Variants in CNTN5 observed in about 807,000 individuals in gnomAD.
The protein encoded by CNTN5 is contactin-5.
In CNTN5, 77 loss-of-function variants were observed where a neutral mutation model predicts 129.1. The observed-to-expected ratio is 0.60, with a 90% CI of 0.50 to 0.72. The LOEUF is 0.72. CNTN5 is among the 30% of genes least tolerant of loss of function. The pLI is 0.00. For missense variants in CNTN5, 1,478 were observed against 1,328.8 expected, an observed-to-expected ratio of 1.11 and a Z score of -1.75; for synonymous variants, 509 against 465.6, an observed-to-expected ratio of 1.09 and a Z score of -1.20.
chr11:99,904,506 G>T (rs998711229), intron 6 of CNTN5, among the ~76,000 whole-genome samples: 3 of 152,084 alleles, frequency 2.0e-5, no homozygotes, highest in African/African-American at 7.2e-5. Flanking sequence ...ATTCCATGGG[G>T]TATATGTGCC....
At chr11:99,203,583 T>A (rs1859324859) in intron 1 of CNTN5, among the ~76,000 whole-genome samples, 1 of 152,074 alleles carries the variant, frequency 6.6e-6, no homozygotes. Context: ...AACATTTCTT[T>A]TTTTTTTGGG....
At chr11:99,889,529 CTTTTTTTTT>C (rs59095048) in intron 6 of CNTN5, among the ~76,000 whole-genome samples, 8 of 128,300 alleles carry the variant, frequency 6.2e-5, no homozygotes, top group Non-Finnish European at 8.4e-5. Flanking sequence ...ACTAGACATT[CTTTTTTTTT>C]TTTTTTTTTC....
chr11:99,975,341 C>T (rs1037041150), intron 8 of CNTN5, among the ~76,000 whole-genome samples: 1 of 152,060 alleles, frequency 6.6e-6, no homozygotes, highest in African/African-American at 2.4e-5. Flanking sequence ...AGGCCTGTAG[C>T]CCCTTGGTTT....
chr11:99,912,016 C>A (rs1457286604), intron 6 of CNTN5, among the ~76,000 whole-genome samples: 1 of 151,934 alleles, frequency 6.6e-6, no homozygotes, highest in Admixed American at 6.6e-5. Context: ...CCTAGAATTC[C>A]TCAACTATTG....
chr11:99,454,218 A>G (rs1944411944), intron 2 of CNTN5, among the ~76,000 whole-genome samples: 1 of 152,230 alleles, frequency 6.6e-6, no homozygotes, highest in South Asian at 2.1e-4. Context: ...AAAGTTGAAT[A>G]TAACAAGGGA....
chr11:100,029,456 G>T (rs768708031), intron 9 of CNTN5, among the ~76,000 whole-genome samples: 1 of 151,948 alleles, frequency 6.6e-6, no homozygotes, highest in Non-Finnish European at 1.5e-5. Flanking sequence ...GGTGGCAGGC[G>T]CCTGTAGTCC....
At chr11:99,129,455 G>A (rs1858820396) in intron 1 of CNTN5, among the ~76,000 whole-genome samples, 1 of 152,014 alleles carries the variant, frequency 6.6e-6, no homozygotes, top group South Asian at 2.1e-4. Flanking sequence ...GAGAACTATG[G>A]GACTATGTAA....
At chr11:99,257,987 T>G (rs1862452761) in intron 1 of CNTN5, among the ~76,000 whole-genome samples, 1 of 152,014 alleles carries the variant, frequency 6.6e-6, no homozygotes, top group Admixed American at 6.6e-5. Context: ...GAAGGGAAAT[T>G]TAGTGAGATG....
At chr11:100,069,101 C>A (rs994009771) in intron 10 of CNTN5, among the ~76,000 whole-genome samples, 1 of 152,090 alleles carries the variant, frequency 6.6e-6, no homozygotes, top group Non-Finnish European at 1.5e-5. Context: ...TTTCGGACAT[C>A]TGCTACTCCG....
chr11:99,064,442 T>G (rs1388379823), intron 1 of CNTN5, among the ~76,000 whole-genome samples: 1 of 148,932 alleles, frequency 6.7e-6, no homozygotes, highest in Non-Finnish European at 1.5e-5. Context: ...AAGAAAAGAT[T>G]TTCATTATGA....
intron 15 of CNTN5, among the ~76,000 whole-genome samples, chr11:100,223,678 A>T (rs1949314408): frequency 6.6e-6 from 1 of 152,094 alleles, no homozygotes; most frequent in Non-Finnish European, 1.5e-5. Flanking sequence ...TGTTAGAGAA[A>T]ATTTTTGAGT....
At chr11:99,277,067 T>A (rs982492596) in intron 1 of CNTN5, among the ~76,000 whole-genome samples, 1 of 151,832 alleles carries the variant, frequency 6.6e-6, no homozygotes, top group African/African-American at 2.4e-5. Context: ...CCTCATTTTC[T>A]AAAGCAACAT....
At chr11:100,207,004 A>T (rs1263185995) in intron 15 of CNTN5, among the ~76,000 whole-genome samples, 1 of 152,122 alleles carries the variant, frequency 6.6e-6, no homozygotes, top group African/African-American at 2.4e-5. Context: ...ATGTCAGGAA[A>T]AATGTGATAA....
In CNTN5 at chr11:100,001,967, A is replaced by G. The variant is rs1453613899; in HGVS notation, c.878-67A>G. Reference sequence around the variant, plus strand: ...AAACCACAGTGATTTTCAATGTAACATCTCCAGGATTAAGAAACAAATTGT... The same window carrying G: ...AAACCACAGTGATTTTCAATGTAACGTCTCCAGGATTAAGAAACAAATTGT... On this transcript the variant is annotated intron_variant, in intron 8 of 24. Coordinates refer to ENST00000524871, the MANE Select transcript of CNTN5 (RefSeq NM_014361.4). 13 of 1,107,034 alleles carry G rather than the reference A, an allele frequency of 1.2e-5. No individual in the cohort carries two copies. In the African/African-American group the frequency reaches 1.6e-4, roughly 14 times the overall value. The allele number at this position is 1,107,034 out of a possible 1,614,324, so 68.6% of individuals were successfully genotyped here. A position where few individuals can be genotyped will look rare whatever the true frequency, so the allele number is the denominator to read the frequency against.
intron 1 of CNTN5, among the ~76,000 whole-genome samples, chr11:99,184,918 G>A (rs958688690): frequency 2.6e-5 from 4 of 151,886 alleles, no homozygotes; most frequent in African/African-American, 9.7e-5. Context: ...AATTCTTCTT[G>A]ATCGTGTATA....
intron 1 of CNTN5, among the ~76,000 whole-genome samples, chr11:99,033,303 A>T (rs12223460): frequency 0.042 from 6,385 of 152,114 alleles, 459 homozygotes; most frequent in East Asian, 0.23. Context: ...AATTCTGTGA[A>T]GAAAGTCATT....
chr11:99,794,911 G>A (rs779946126), intron 3 of CNTN5, among the ~76,000 whole-genome samples: 5 of 152,000 alleles, frequency 3.3e-5, no homozygotes, highest in Admixed American at 2.6e-4. Context: ...TGAGATGGCT[G>A]TCCTGTATAA....
intron 24 of CNTN5, among the ~76,000 whole-genome samples, chr11:100,351,572 T>C: frequency 6.8e-6 from 1 of 146,098 alleles, no homozygotes; most frequent in African/African-American, 2.5e-5. Flanking sequence ...ATCACCACCA[T>C]CATTATTACA....
At chr11:100,043,938 C>A (rs892503066) in intron 9 of CNTN5, among the ~76,000 whole-genome samples, 4 of 151,976 alleles carry the variant, frequency 2.6e-5, no homozygotes, top group Admixed American at 6.6e-5. Flanking sequence ...AGTTTTGTTA[C>A]ATGTATATAT....
Sources: gnomAD v4.1 joint callset for allele counts (sites outside exome capture counted in the v4.1 genomes callset) on GRCh38, gnomAD v4.1.1 for gene constraint, MANE v1.5 for transcripts, NCBI Gene and HGNC (gene_info 2026-07-23, HGNC 2026-07-21) for gene names.